ROBO1: variants seen among roughly 807,000 people sequenced by gnomAD.
ROBO1 encodes roundabout guidance receptor 1, also known as roundabout homolog 1.
In ROBO1, 149 loss-of-function variants were observed where a neutral mutation model predicts 195.9. That is an observed-to-expected ratio of 0.76 (90% CI 0.67 to 0.87). The LOEUF (loss-of-function observed/expected upper bound fraction) is 0.87. ROBO1 is among the 40% of genes least tolerant of loss of function. ROBO1 has a pLI of 0.00. For synonymous variants in ROBO1, 816 were observed against 733.2 expected, an observed-to-expected ratio of 1.11 and a Z score of -1.82; for missense variants, 1,933 against 2,068.3, an observed-to-expected ratio of 0.93 and a Z score of 1.27.
intron 2 of ROBO1, among the ~76,000 whole-genome samples, chr3:79,549,871 G>A (rs530383443): frequency 3.3e-4 from 50 of 152,152 alleles, no homozygotes; most frequent in African/African-American, 1.1e-3. Context: ...CAGGAAAGGT[G>A]ACCTCATCTT....
chr3:79,463,406 C>CAAAAAAA (rs1327569033), intron 2 of ROBO1, among the ~76,000 whole-genome samples: 46 of 149,404 alleles, frequency 3.1e-4, no homozygotes, highest in African/African-American at 5.4e-4. Context: ...AAACAAAAAA[C>CAAAAAAA]AAAAAACCAC....
At chr3:79,418,653 G>A (rs1218464605) in intron 2 of ROBO1, among the ~76,000 whole-genome samples, 1 of 152,044 alleles carries the variant, frequency 6.6e-6, no homozygotes, top group Non-Finnish European at 1.5e-5. Flanking sequence ...CTACTAGCAG[G>A]CACAAAATCC....
Position 79,395,340 on chromosome 3 carries a change from A to AGAAAG in ROBO1, c.88+194483_88+194484insCTTTC, listed in dbSNP as rs1553733527. ...CCGTCTCAAAAAAAAAAAAAAAAAA[A>AGAAAG]AAAGAAAGAAAGAAAGAAAGAAAGA... is the stretch of plus-strand genomic sequence containing the variant. On this transcript the variant is annotated intron_variant, in intron 2 of 30. Coordinates refer to ENST00000464233, the MANE Select transcript of ROBO1 (RefSeq NM_002941.4). Among the ~76,000 whole-genome samples, 24 of 119,078 alleles carry AGAAAG rather than the reference A, an allele frequency of 2.0e-4. No homozygotes were observed. In the South Asian group the frequency reaches 5.2e-3, roughly 26 times the overall value. The allele number at this position is 119,078 out of a possible 152,430, so 78.1% of individuals were successfully genotyped here.
At chr3:79,607,044 A>G (rs1043574167) in intron 1 of ROBO1, among the ~76,000 whole-genome samples, 3 of 150,722 alleles carry the variant, frequency 2.0e-5, no homozygotes, top group South Asian at 2.1e-4. Flanking sequence ...AGCATAATAC[A>G]GTTAATTTTA....
At chr3:79,669,431 C>A (rs925162808) in intron 1 of ROBO1, among the ~76,000 whole-genome samples, 1 of 151,802 alleles carries the variant, frequency 6.6e-6, no homozygotes, top group Admixed American at 6.6e-5. Context: ...GTAACACAAT[C>A]GTAATGCAAC....
At chr3:79,068,729 C>T (rs753579173) in intron 3 of ROBO1, among the ~76,000 whole-genome samples, 1 of 151,644 alleles carries the variant, frequency 6.6e-6, no homozygotes, top group Non-Finnish European at 1.5e-5. Context: ...TAAGAATAGT[C>T]CCCACTTAAA....
rs772261655 is a variant in ROBO1 at position 79,658,880 on chromosome 3, T to C, written c.-50-68919A>G. 2.0e-4 allele frequency among the ~76,000 whole-genome samples: 30 copies of C among 151,660 alleles called. 1 individual carries two copies. In the Middle Eastern group the frequency reaches 0.014, roughly 69 times the overall value. ...GCTTCCCAAGTAGCTGAGATTACAGTCATGTGCCAGCATGTCCGGCTAATT... is the reference window on the plus strand; with the variant it reads ...GCTTCCCAAGTAGCTGAGATTACAGCCATGTGCCAGCATGTCCGGCTAATT... On this transcript the variant is annotated intron_variant, in intron 1 of 30. Coordinates refer to ENST00000464233, the MANE Select transcript of ROBO1 (RefSeq NM_002941.4).
chr3:78,995,793 T>C (rs1458770537), intron 3 of ROBO1, among the ~76,000 whole-genome samples: 3 of 149,406 alleles, frequency 2.0e-5, no homozygotes, highest in Admixed American at 2.0e-4. Context: ...AAAAAGAAAT[T>C]AAAAAGTAAT....
chr3:79,518,705 A>T (rs773261048), intron 2 of ROBO1, among the ~76,000 whole-genome samples: 1 of 151,700 alleles, frequency 6.6e-6, no homozygotes, highest in Non-Finnish European at 1.5e-5. Context: ...TTTTAGATGG[A>T]ATTTTGCTCT....
intron 3 of ROBO1, among the ~76,000 whole-genome samples, chr3:79,059,390 AT>A (rs755876339): frequency 6.6e-6 from 1 of 152,078 alleles, no homozygotes; most frequent in Non-Finnish European, 1.5e-5. Flanking sequence ...TTTTGGAATT[AT>A]GCTTCTCTGT....
At chr3:78,813,878 C>A (rs1366694188) in intron 4 of ROBO1, among the ~76,000 whole-genome samples, 3 of 152,030 alleles carry the variant, frequency 2.0e-5, no homozygotes, top group Non-Finnish European at 2.9e-5. Context: ...GTAGCCTTAA[C>A]AACATATTAA....
intron 3 of ROBO1, chr3:79,018,708 A>T: frequency 7.5e-7 from 1 of 1,328,304 alleles, no homozygotes; most frequent in South Asian, 1.7e-5. Context: ...GAGGAGGCTC[A>T]GACACTTTCA....
chr3:79,381,355 C>CAAAAAAAAAAAAAAAA (rs61680946), intron 2 of ROBO1, among the ~76,000 whole-genome samples: 1 of 60,714 alleles, frequency 1.6e-5, no homozygotes, highest in East Asian at 4.7e-4. Context: ...AACTCCGTCT[C>CAAAAAAAAAAAAAAAA]AAAAAAAAAA....
At chr3:79,420,481 T>C (rs1380461723) in intron 2 of ROBO1, among the ~76,000 whole-genome samples, 1 of 152,102 alleles carries the variant, frequency 6.6e-6, no homozygotes, top group East Asian at 1.9e-4. Context: ...GTGTGGCCAT[T>C]GATAAGGATA....
intron 1 of ROBO1, among the ~76,000 whole-genome samples, chr3:79,631,005 T>C (rs1227051583): frequency 6.6e-6 from 1 of 151,878 alleles, no homozygotes; most frequent in East Asian, 1.9e-4. Context: ...CCATCCCATG[T>C]TTACTGATTG....
At chr3:78,688,615 A>G in intron 9 of ROBO1, 33 bp downstream of exon 9, 1 of 1,535,528 alleles carries the variant, frequency 6.5e-7, no homozygotes, top group South Asian at 1.3e-5. Flanking sequence ...ATCTTTGCTG[A>G]TTTAAAAAAA....
chr3:79,710,425 A>G (rs1702223358), intron 1 of ROBO1, among the ~76,000 whole-genome samples: 1 of 152,212 alleles, frequency 6.6e-6, no homozygotes, highest in East Asian at 1.9e-4. Context: ...AATGGAAGCC[A>G]GAAAACAGTC....
intron 3 of ROBO1, among the ~76,000 whole-genome samples, chr3:78,951,363 T>C (rs1404201442): frequency 6.6e-6 from 1 of 152,134 alleles, no homozygotes; most frequent in Non-Finnish European, 1.5e-5. Context: ...CACATTCCTA[T>C]AAAACATCTG....
chr3:78,986,270 A>G lies in ROBO1; in HGVS notation c.173-47343T>C, dbSNP rs574330445. Among the ~76,000 whole-genome samples, 464 of 152,306 alleles carry G rather than the reference A, an allele frequency of 3.0e-3. 9 individuals are homozygous for G. Among genetic ancestry groups the G allele is most frequent in the Admixed American group, 0.022 (338 of 15,296 alleles). On this transcript the variant is annotated intron_variant, in intron 3 of 30. Transcript: ENST00000464233. ...GTGCCCTGGATCAGTCCTTAATTACAATCATGGAATGAAAGAGTTAATGTA... is the reference window on the plus strand; with the variant it reads ...GTGCCCTGGATCAGTCCTTAATTACGATCATGGAATGAAAGAGTTAATGTA...
Sources: allele counts gnomAD v4.1 joint callset (sites outside exome capture counted in the v4.1 genomes callset), GRCh38; gene constraint gnomAD v4.1.1; transcripts MANE v1.5; gene names NCBI Gene and HGNC (gene_info 2026-07-23, HGNC 2026-07-21).